The following ARHGAP15 variants were observed in gnomAD, a reference collection of about 807,000 sequenced individuals.
ARHGAP15 encodes the protein Rho GTPase activating protein 15.
A neutral mutation model predicts 63.7 loss-of-function variants in ARHGAP15; 51 were observed. The ratio of observed to expected loss-of-function variants is 0.80; its 90% CI spans 0.64 to 1.01. The LOEUF (loss-of-function observed/expected upper bound fraction) is 1.01. Ranked by LOEUF, ARHGAP15 falls within the 50% of genes least tolerant of loss-of-function variation. ARHGAP15 has a pLI of 0.00. For missense variants in ARHGAP15, 560 were observed against 564.6 expected (o/e 0.99, Z 0.08); for synonymous variants, 191 against 193.8 (o/e 0.99, Z 0.12).
intron 11 of ARHGAP15, among the ~76,000 whole-genome samples, chr2:143,567,520 C>G (rs1696278770): frequency 6.6e-6 from 1 of 152,132 alleles, no homozygotes; most frequent in African/African-American, 2.4e-5. Context: ...CCACCTCCAC[C>G]TGAAGTAACT....
At chr2:143,321,980 C>G (rs920443154) in intron 6 of ARHGAP15, among the ~76,000 whole-genome samples, 1 of 152,178 alleles carries the variant, frequency 6.6e-6, no homozygotes, top group East Asian at 1.9e-4. Context: ...TGATAACCTC[C>G]GTAAGTAGAT....
intron 6 of ARHGAP15, among the ~76,000 whole-genome samples, chr2:143,321,014 TG>T (rs1487975683): frequency 6.6e-6 from 1 of 151,968 alleles, no homozygotes; most frequent in Admixed American, 6.5e-5. Flanking sequence ...CCACTTCCTA[TG>T]GGGGGATTCA....
rs1553467332 is a variant in ARHGAP15, at chr2:143,346,244, ACACACT to A, written c.475-89351_475-89346del. On this transcript the variant is annotated intron_variant, in intron 6 of 13. Transcript: ENST00000295095. Reference sequence around the variant, plus strand: ...CTCACACACACTCTCTCTCACACACACACACTCACACACACACACACACACACACAC... The same window carrying A: ...CTCACACACACTCTCTCTCACACACACACACACACACACACACACACACAC... Among the ~76,000 whole-genome samples the A allele has an allele frequency of 1.7e-4, 24 of 143,926 alleles. 1 individual carries two copies. Among genetic ancestry groups the A allele is most frequent in the South Asian group, 2.3e-4 (1 of 4,406 alleles). The allele number at this position is 143,926 out of a possible 152,430, so 94.4% of individuals were successfully genotyped here. A position where few individuals can be genotyped will look rare whatever the true frequency, so the allele number is the denominator to read the frequency against.
At chr2:143,418,944 TGTG>T (rs1219277332) in intron 6 of ARHGAP15, among the ~76,000 whole-genome samples, 1 of 152,154 alleles carries the variant, frequency 6.6e-6, no homozygotes, top group East Asian at 1.9e-4. Flanking sequence ...ATGTGCAAAT[TGTG>T]GTATTCACAG....
In ARHGAP15 at chr2:143,145,371, C is replaced by A. The variant is rs187330605; in HGVS notation, c.-14-10106C>A. On this transcript the variant is annotated intron_variant, in intron 1 of 13. Transcript: ENST00000295095. ...CACTGGACATTTGCTTTCTCCTTGA[C>A]CGCAACTTCCTTTGCTGGTAACCTG... Among the ~76,000 whole-genome samples, 7 of 152,122 alleles carry A rather than the reference C, an allele frequency of 4.6e-5. No individual in the cohort carries two copies. In the East Asian group the frequency reaches 1.4e-3, roughly 30 times the overall value.
At chr2:143,517,488 A>T (rs1163969796) in intron 9 of ARHGAP15, among the ~76,000 whole-genome samples, 1 of 152,174 alleles carries the variant, frequency 6.6e-6, no homozygotes, top group Non-Finnish European at 1.5e-5. Context: ...ACCTCCACTG[A>T]TGGTTAAGAT....
intron 2 of ARHGAP15, among the ~76,000 whole-genome samples, chr2:143,157,840 A>C (rs1277035793): frequency 6.6e-6 from 1 of 151,868 alleles, no homozygotes; most frequent in Non-Finnish European, 1.5e-5. Context: ...TTGATTTTTC[A>C]GAAGTTGGGT....
chr2:143,167,106 G>A (rs1426904059), intron 2 of ARHGAP15, among the ~76,000 whole-genome samples: 1 of 152,004 alleles, frequency 6.6e-6, no homozygotes, highest in Non-Finnish European at 1.5e-5. Context: ...CTTCTACAGA[G>A]CATTCAAAAT....
Position 143,202,037 on chromosome 2 carries a change from T to C in ARHGAP15, c.166-97T>C, listed in dbSNP as rs1026055493. The C allele has an allele frequency of 8.7e-6, 8 of 923,506 alleles. No homozygotes were observed. In the African/African-American group the frequency reaches 1.3e-4, roughly 15 times the overall value. The allele number at this position is 923,506 out of a possible 1,614,324, so 57.2% of individuals were successfully genotyped here. A position where few individuals can be genotyped will look rare whatever the true frequency, so the allele number is the denominator to read the frequency against. On this transcript the variant is annotated intron_variant, in intron 2 of 13. Coordinates refer to ENST00000295095, the MANE Select transcript of ARHGAP15 (RefSeq NM_018460.4). ...TCATTTTATATCTACTTAATTCACATGCTTGAATAACACTGAATTGGTTAT... is the reference window on the plus strand; with the variant it reads ...TCATTTTATATCTACTTAATTCACACGCTTGAATAACACTGAATTGGTTAT...
chr2:143,170,342 T>C (rs1192999621), intron 2 of ARHGAP15, among the ~76,000 whole-genome samples: 1 of 152,174 alleles, frequency 6.6e-6, no homozygotes, highest in Non-Finnish European at 1.5e-5. Flanking sequence ...CTCGGCATTA[T>C]GCTAAGTGCT....
At chr2:143,428,418 A>C (rs2105070797) in intron 6 of ARHGAP15, among the ~76,000 whole-genome samples, 1 of 151,912 alleles carries the variant, frequency 6.6e-6, no homozygotes, top group South Asian at 2.1e-4. Context: ...GAGCCTCAGA[A>C]TGATATCAAG....
At chr2:143,291,424 A>G (rs897895939) in intron 6 of ARHGAP15, among the ~76,000 whole-genome samples, 1 of 142,294 alleles carries the variant, frequency 7.0e-6, no homozygotes, top group Non-Finnish European at 1.5e-5. Context: ...TCACTCACAG[A>G]CACACTCAGG....
intron 6 of ARHGAP15, among the ~76,000 whole-genome samples, chr2:143,428,707 G>A (rs1222219416): frequency 2.0e-5 from 3 of 152,072 alleles, no homozygotes; most frequent in Admixed American, 1.3e-4. Flanking sequence ...TATCTTGAAG[G>A]AAGGGAGATT....
At chr2:143,700,225 C>T (rs972607431) in intron 12 of ARHGAP15, among the ~76,000 whole-genome samples, 1 of 152,154 alleles carries the variant, frequency 6.6e-6, no homozygotes, top group African/African-American at 2.4e-5. Context: ...ATTATTTTAC[C>T]TGTTGGCTTA....
chr2:143,519,763 A>G (rs1693981133), intron 10 of ARHGAP15, among the ~76,000 whole-genome samples: 1 of 152,354 alleles, frequency 6.6e-6, no homozygotes, highest in Admixed American at 6.5e-5. Context: ...AGCAAATAGC[A>G]TTCTGAATCA....
chr2:143,458,921 G>A (rs1002862798), intron 8 of ARHGAP15, among the ~76,000 whole-genome samples: 24 of 152,238 alleles, frequency 1.6e-4, no homozygotes, highest in African/African-American at 5.8e-4. Flanking sequence ...CTTAAATGTA[G>A]CTGTTTGGTA....
At chr2:143,341,643 T>G (rs1164911386) in intron 6 of ARHGAP15, among the ~76,000 whole-genome samples, 1 of 152,130 alleles carries the variant, frequency 6.6e-6, no homozygotes. Context: ...AACCATTTTT[T>G]TCCCCTACTC....
At chr2:143,153,816 T>C (rs929178850) in intron 1 of ARHGAP15, among the ~76,000 whole-genome samples, 1 of 80,426 alleles carries the variant, frequency 1.2e-5, no homozygotes, top group Non-Finnish European at 2.5e-5. Flanking sequence ...CTTCTTCTTC[T>C]TCTTCTTCTT....
At chr2:143,666,842 G>A (rs1682222123) in intron 12 of ARHGAP15, among the ~76,000 whole-genome samples, 1 of 149,504 alleles carries the variant, frequency 6.7e-6, no homozygotes, top group Admixed American at 6.6e-5. Context: ...CTGGCCATCA[G>A]AGAAATGCAA....
Sources: allele counts gnomAD v4.1 joint callset (sites outside exome capture counted in the v4.1 genomes callset), GRCh38; gene constraint gnomAD v4.1.1; transcripts MANE v1.5; gene names NCBI Gene and HGNC (gene_info 2026-07-23, HGNC 2026-07-21).